The following SNX29 variants were observed in gnomAD, a reference collection of about 807,000 sequenced individuals.
The protein encoded by SNX29 is sorting nexin-29.
In SNX29, 78 loss-of-function variants were observed where a neutral mutation model predicts 102.1. The ratio of observed to expected loss-of-function variants is 0.76; its 90% confidence interval spans 0.64 to 0.92. The LOEUF (loss-of-function observed/expected upper bound fraction) is 0.92, where lower values mean the gene tolerates loss of function less well. SNX29 is among the 40% of genes least tolerant of loss of function. The probability of loss-of-function intolerance (pLI) is 0.00; values close to 1 mark genes in which losing one functional copy is unlikely to be tolerated. For missense variants in SNX29, 1,280 were observed against 1,061.7 expected, an observed-to-expected ratio of 1.21 and a Z score of -2.86; for synonymous variants, 580 against 414.5, an observed-to-expected ratio of 1.40 and a Z score of -4.85.
At chr16:12,064,674 T>C (rs1281176203) in intron 9 of SNX29, among the ~76,000 whole-genome samples, 1 of 152,194 alleles carries the variant, frequency 6.6e-6, no homozygotes, top group Non-Finnish European at 1.5e-5. Context: ...GGTAGCCTGA[T>C]TGGGACGCCA....
chr16:12,558,726 A>C (rs1216126244), intron 20 of SNX29, among the ~76,000 whole-genome samples: 1 of 152,126 alleles, frequency 6.6e-6, no homozygotes, highest in Non-Finnish European at 1.5e-5. Flanking sequence ...GGGCTGCACA[A>C]GCCTCACCAC....
intron 19 of SNX29, among the ~76,000 whole-genome samples, chr16:12,523,107 C>G (rs1287699453): frequency 6.6e-6 from 1 of 152,190 alleles, no homozygotes; most frequent in African/African-American, 2.4e-5. Context: ...AGCCACCACA[C>G]CTGGCCTGTG....
chr16:12,366,040 C>G (rs1483770182), intron 16 of SNX29, among the ~76,000 whole-genome samples: 3 of 24,210 alleles, frequency 1.2e-4, no homozygotes, highest in African/African-American at 2.8e-4. Context: ...AGACTCTTGT[C>G]TCAAAAAAAA....
At chr16:12,181,329 T>C (rs550754657) in intron 13 of SNX29, among the ~76,000 whole-genome samples, 1 of 152,206 alleles carries the variant, frequency 6.6e-6, no homozygotes, top group African/African-American at 2.4e-5. Flanking sequence ...TAGGGAGACA[T>C]GAGGCATCAA....
chr16:12,386,725 A>T (rs2083354385), intron 16 of SNX29, among the ~76,000 whole-genome samples: 1 of 152,242 alleles, frequency 6.6e-6, no homozygotes, highest in East Asian at 1.9e-4. Context: ...TGAACAGTTC[A>T]AAGTGCCTAT....
intron 15 of SNX29, among the ~76,000 whole-genome samples, chr16:12,336,023 G>A (rs1269849508): frequency 1.3e-5 from 2 of 152,072 alleles, no homozygotes; most frequent in Admixed American, 6.6e-5. Flanking sequence ...TTGTGACAAC[G>A]GCCCAGCACT....
intron 20 of SNX29, among the ~76,000 whole-genome samples, chr16:12,543,215 G>C (rs2077423625): frequency 6.6e-6 from 1 of 152,202 alleles, no homozygotes. Flanking sequence ...CGTTGCTCCT[G>C]ATAGCTGTAG....
chr16:12,430,792 T>G (rs1200652891), intron 18 of SNX29, among the ~76,000 whole-genome samples: 4 of 151,876 alleles, frequency 2.6e-5, no homozygotes, highest in Non-Finnish European at 5.9e-5. Flanking sequence ...GACACCTTAG[T>G]CCACTTGTAA....
chr16:12,160,700 G>A (rs997882131), intron 13 of SNX29, among the ~76,000 whole-genome samples: 2 of 152,100 alleles, frequency 1.3e-5, no homozygotes, highest in African/African-American at 2.4e-5. Context: ...ACTTTAAAAG[G>A]GTGAATTATA....
chr16:12,300,780 G>C (rs1439818763), intron 15 of SNX29, among the ~76,000 whole-genome samples: 1 of 152,184 alleles, frequency 6.6e-6, no homozygotes, highest in Non-Finnish European at 1.5e-5. Flanking sequence ...GGACTGCGTA[G>C]CTGTTTGCTG....
intron 15 of SNX29, among the ~76,000 whole-genome samples, chr16:12,317,646 A>C (rs532650784): frequency 6.6e-6 from 1 of 152,308 alleles, no homozygotes; most frequent in African/African-American, 2.4e-5. Flanking sequence ...CATTTAATTA[A>C]CACCTGACAT....
intron 15 of SNX29, among the ~76,000 whole-genome samples, chr16:12,298,962 C>G (rs568273622): frequency 6.6e-6 from 1 of 151,000 alleles, no homozygotes; most frequent in Non-Finnish European, 1.5e-5. Context: ...TGAGTTGGTT[C>G]CTTTCCCTCC....
At chr16:12,342,605 G>T (rs144360798) in intron 15 of SNX29, among the ~76,000 whole-genome samples, 5 of 152,202 alleles carry the variant, frequency 3.3e-5, no homozygotes, top group African/African-American at 1.2e-4. Flanking sequence ...AGAATCTTGT[G>T]TCTTTTACGA....
At chr16:12,557,394 C>T (rs866600725) in intron 20 of SNX29, 3 of 152,118 alleles carry the variant, frequency 2.0e-5, no homozygotes, top group Admixed American at 6.5e-5. Context: ...AGAAACAAGC[C>T]ACCTTTGGCT....
rs149100228 is a variant in SNX29, at chr16:12,244,660, G to T, written c.1679-33273G>T. 5.8e-4 allele frequency among the ~76,000 whole-genome samples: 89 copies of T among 152,230 alleles called. No individual in the cohort carries two copies. The East Asian group carries it at 9.1e-3, about 15-fold the overall frequency. ...CTATGCAGAATGGAGGGTTTCTTGT[G>T]TGCTTCCTGGAAGCAAAATTATCTT... On this transcript the variant is annotated intron_variant, in intron 14 of 20. Coordinates refer to ENST00000566228, the MANE Select transcript of SNX29 (RefSeq NM_032167.5).
At chr16:12,317,764 G>A (rs900535434) in intron 15 of SNX29, among the ~76,000 whole-genome samples, 5 of 152,214 alleles carry the variant, frequency 3.3e-5, no homozygotes, top group Non-Finnish European at 5.9e-5. Flanking sequence ...ATTGTTAACT[G>A]GGTGACCCTG....
At chr16:12,071,896 A>C (rs1320882508) in intron 10 of SNX29, among the ~76,000 whole-genome samples, 1 of 152,094 alleles carries the variant, frequency 6.6e-6, no homozygotes, top group Non-Finnish European at 1.5e-5. Flanking sequence ...CGTCCCTTGT[A>C]AGTTGGATTC....
At chr16:12,446,323 T>A (rs1476198643) in intron 18 of SNX29, among the ~76,000 whole-genome samples, 1 of 152,266 alleles carries the variant, frequency 6.6e-6, no homozygotes, top group Admixed American at 6.5e-5. Flanking sequence ...CCCAAAGTGC[T>A]GGGATTACAG....
At chr16:12,549,297 C>T (rs749985454) in intron 20 of SNX29, among the ~76,000 whole-genome samples, 9 of 152,136 alleles carry the variant, frequency 5.9e-5, no homozygotes, top group African/African-American at 2.2e-4. Context: ...AAGTTGGAAA[C>T]CAGCCTGGTC....
Sources: allele counts gnomAD v4.1 joint callset (sites outside exome capture counted in the v4.1 genomes callset), GRCh38; gene constraint gnomAD v4.1.1; transcripts MANE v1.5; gene names NCBI Gene and HGNC (gene_info 2026-07-23, HGNC 2026-07-21).